KAZN: variants seen among roughly 807,000 people sequenced by gnomAD.
KAZN encodes kazrin, periplakin interacting protein.
Under a neutral mutation model 87.4 loss-of-function variants are expected in KAZN, and 40 were observed. The ratio of observed to expected loss-of-function variants is 0.46; its 90% CI spans 0.36 to 0.60. The LOEUF (loss-of-function observed/expected upper bound fraction) is 0.60. Among genes scored for constraint, KAZN ranks in the 20% least tolerant of loss-of-function variants. The pLI, the probability that KAZN is intolerant of heterozygous loss-of-function variation, is 0.00. For synonymous variants in KAZN, 466 were observed against 458.3 expected (o/e 1.02, Z -0.22); for missense variants, 898 against 1,073.9 (o/e 0.84, Z 2.29).
At chr1:15,097,611 G>A (rs539915476) in intron 10 of KAZN, among the ~76,000 whole-genome samples, 1 of 152,130 alleles carries the variant, frequency 6.6e-6, no homozygotes, top group African/African-American at 2.4e-5. Flanking sequence ...CTGACATCAG[G>A]AGTTCGAGAC....
intron 1 of KAZN, among the ~76,000 whole-genome samples, chr1:14,706,666 G>A (rs1642226761): frequency 6.6e-6 from 1 of 152,134 alleles, no homozygotes; most frequent in African/African-American, 2.4e-5. Flanking sequence ...TCAAAATATG[G>A]TTACAGTTGG....
chr1:13,945,735 G>T (rs190586273), intron 1 of KAZN, among the ~76,000 whole-genome samples: 1 of 145,628 alleles, frequency 6.9e-6, no homozygotes, highest in African/African-American at 2.5e-5. Flanking sequence ...GAGAGAGAGA[G>T]AATGTTTTTA....
At chr1:14,695,004 A>G (rs1053850480) in intron 1 of KAZN, among the ~76,000 whole-genome samples, 1 of 152,048 alleles carries the variant, frequency 6.6e-6, no homozygotes, top group South Asian at 2.1e-4. Context: ...GTCAGTCCCT[A>G]CTCTCTTGTC....
intron 1 of KAZN, among the ~76,000 whole-genome samples, chr1:14,648,012 T>A (rs1180615493): frequency 6.6e-6 from 1 of 152,172 alleles, no homozygotes; most frequent in Non-Finnish European, 1.5e-5. Context: ...TCAGGGTCAT[T>A]CCCTTCTCTC....
intron 1 of KAZN, among the ~76,000 whole-genome samples, chr1:14,889,202 C>T (rs986300818): frequency 2.0e-5 from 3 of 152,132 alleles, no homozygotes; most frequent in African/African-American, 7.2e-5. Context: ...ATGTCACAAG[C>T]CCACATCTGC....
At chr1:14,403,912 AG>A (rs1663621056) in intron 2 of KAZN, among the ~76,000 whole-genome samples, 1 of 126,888 alleles carries the variant, frequency 7.9e-6, no homozygotes, top group Admixed American at 8.1e-5. Context: ...AATAGGCAAA[AG>A]AAAAAGAAGA....
chr1:14,316,276 T>G (rs939261434), intron 2 of KAZN, among the ~76,000 whole-genome samples: 14 of 152,058 alleles, frequency 9.2e-5, no homozygotes, highest in Non-Finnish European at 1.6e-4. Flanking sequence ...TTACTTTTCT[T>G]GTGTTCACTT....
chr1:15,107,309 G>T (rs1041083174), intron 13 of KAZN, among the ~76,000 whole-genome samples: 1 of 152,182 alleles, frequency 6.6e-6, no homozygotes, highest in Non-Finnish European at 1.5e-5. Flanking sequence ...TTCCACTCCA[G>T]GTTTTCTCTC....
At chr1:14,516,295 A>G (rs1247954868) in intron 2 of KAZN, among the ~76,000 whole-genome samples, 1 of 152,140 alleles carries the variant, frequency 6.6e-6, no homozygotes, top group African/African-American at 2.4e-5. Flanking sequence ...TTACTCTCTA[A>G]CAGGCTCTCC....
intron 1 of KAZN, among the ~76,000 whole-genome samples, chr1:14,808,389 C>T (rs146955433): frequency 4.6e-4 from 68 of 148,914 alleles, no homozygotes; most frequent in Admixed American, 3.5e-3. Context: ...CTCTGCCTCC[C>T]GGGTTCAAGC....
intron 1 of KAZN, among the ~76,000 whole-genome samples, chr1:14,731,926 G>A (rs1643695195): frequency 6.6e-6 from 1 of 152,220 alleles, no homozygotes; most frequent in Admixed American, 6.5e-5. Context: ...ACAAAGCACA[G>A]GGTCTGTGCT....
intron 1 of KAZN, among the ~76,000 whole-genome samples, chr1:14,894,820 G>A (rs1007826461): frequency 3.9e-5 from 6 of 152,252 alleles, no homozygotes; most frequent in East Asian, 3.8e-4. Flanking sequence ...CACCAAGGAC[G>A]GGGAAATCAA....
chr1:14,026,195 T>C (rs1325815876), intron 1 of KAZN, among the ~76,000 whole-genome samples: 1 of 152,206 alleles, frequency 6.6e-6, no homozygotes, highest in Non-Finnish European at 1.5e-5. Context: ...ATATATTATT[T>C]CATTTAATCC....
At chr1:13,963,111 A>G (rs1195783855) in intron 1 of KAZN, among the ~76,000 whole-genome samples, 1 of 152,088 alleles carries the variant, frequency 6.6e-6, no homozygotes, top group Non-Finnish European at 1.5e-5. Context: ...AAGGGATATT[A>G]TACTACCTGT....
intron 2 of KAZN, among the ~76,000 whole-genome samples, chr1:14,445,985 C>T (rs1238877684): frequency 4.0e-5 from 6 of 149,758 alleles, no homozygotes; most frequent in Admixed American, 2.0e-4. Context: ...CACTTGAGGC[C>T]AGGAGTTCAA....
chr1:14,029,147 C>T (rs1641212514), intron 1 of KAZN, among the ~76,000 whole-genome samples: 2 of 128,674 alleles, frequency 1.6e-5, no homozygotes, highest in Non-Finnish European at 3.3e-5. Flanking sequence ...TGTTTCCTGA[C>T]TTTTTAATGA....
At chr1:15,067,527 G>A in intron 8 of KAZN, 1 of 985,446 alleles carries the variant, frequency 1.0e-6, no homozygotes, top group Non-Finnish European at 1.2e-6. Flanking sequence ...ACAACTAACA[G>A]CTCAACCCAC....
intron 2 of KAZN, among the ~76,000 whole-genome samples, chr1:14,419,880 G>A (rs989155472): frequency 2.6e-5 from 4 of 152,160 alleles, no homozygotes; most frequent in African/African-American, 9.7e-5. Flanking sequence ...CGCACAGACA[G>A]TGAGACCCCA....
intron 1 of KAZN, among the ~76,000 whole-genome samples, chr1:14,958,174 G>A (rs1022547513): frequency 2.0e-5 from 3 of 152,238 alleles, no homozygotes; most frequent in African/African-American, 7.2e-5. Context: ...TAGTCCAGAG[G>A]GTTGTAGTGC....
Sources: gnomAD v4.1 joint callset for allele counts (sites outside exome capture counted in the v4.1 genomes callset) on GRCh38, gnomAD v4.1.1 for gene constraint, MANE v1.5 for transcripts, NCBI Gene and HGNC (gene_info 2026-07-23, HGNC 2026-07-21) for gene names.